Variants in CHODL observed in about 807,000 individuals in gnomAD.
CHODL encodes the protein transmembrane protein MT75.
CHODL carries 29 observed loss-of-function variants against 34.5 expected under a neutral mutation model. That is an observed-to-expected ratio of 0.84 (90% CI 0.63 to 1.15). The LOEUF (loss-of-function observed/expected upper bound fraction) is 1.15. Among genes scored for constraint, CHODL ranks in the 50% most tolerant of loss-of-function variants. The probability of loss-of-function intolerance (pLI) is 0.00; values close to 1 mark genes in which losing one functional copy is unlikely to be tolerated. For missense variants in CHODL, 332 were observed against 332.5 expected, an observed-to-expected ratio of 1.00 and a Z score of 0.01; for synonymous variants, 125 against 116.1, an observed-to-expected ratio of 1.08 and a Z score of -0.49.
rs185236455 is a variant in CHODL, at chr21:18,245,397, G to T, written c.79+95G>T. 7.0e-5 allele frequency: 74 copies of T among 1,056,538 alleles called. 1 individual carries two copies. Among genetic ancestry groups the T allele is most frequent in the Non-Finnish European group, 3.7e-5 (28 of 758,434 alleles). 65.4% of individuals were successfully genotyped at this position (1,056,538 alleles called of 1,614,324 possible). On this transcript the variant is annotated intron_variant, in intron 1 of 5. Transcript: ENST00000299295. ...TTCTCGGGCGGAGGCTCTCCGGGGC[G>T]TTGGAAACCTGCATGGTGTAAGGAC... is the stretch of plus-strand genomic sequence containing the variant.
intron 2 of CHODL, among the ~76,000 whole-genome samples, chr21:18,228,374 A>T (rs2146750787): frequency 6.6e-6 from 1 of 152,226 alleles, no homozygotes; most frequent in Middle Eastern, 3.4e-3. Flanking sequence ...CTTAATGTAC[A>T]TCTATAAGTG....
chr21:18,040,860 T>A (rs1248414809), intron 2 of CHODL, among the ~76,000 whole-genome samples: 1 of 151,872 alleles, frequency 6.6e-6, no homozygotes. Context: ...ATGACTGATT[T>A]CTCTTTATTT....
chr21:18,015,935 A>G (rs896806455), intron 1 of CHODL, among the ~76,000 whole-genome samples: 5 of 152,218 alleles, frequency 3.3e-5, no homozygotes, highest in South Asian at 2.1e-4. Flanking sequence ...GCTCGTTTGC[A>G]TAAACAAAGG....
intron 2 of CHODL, among the ~76,000 whole-genome samples, chr21:18,229,250 G>C (rs1240320620): frequency 6.6e-6 from 1 of 152,156 alleles, no homozygotes; most frequent in Non-Finnish European, 1.5e-5. Flanking sequence ...TCATGAACTT[G>C]TGTATTCGTA....
At chr21:18,054,975 C>A (rs897811469) in intron 2 of CHODL, among the ~76,000 whole-genome samples, 5 of 152,032 alleles carry the variant, frequency 3.3e-5, no homozygotes, top group African/African-American at 1.2e-4. Flanking sequence ...GTAGGTGAGA[C>A]TGGTCGTCCA....
intron 2 of CHODL, among the ~76,000 whole-genome samples, chr21:18,047,959 T>C (rs1325814710): frequency 1.3e-5 from 2 of 151,914 alleles, no homozygotes; most frequent in Non-Finnish European, 2.9e-5. Flanking sequence ...CCACCAACTT[T>C]TTCTTTGTAT....
rs149359046 is a variant in CHODL, at chr21:18,104,995, A to G, written c.-45+77024A>G. Among the ~76,000 whole-genome samples the G allele has an allele frequency of 2.0e-3, 311 of 152,270 alleles. 1 individual carries two copies. Among genetic ancestry groups the G allele is most frequent in the African/African-American group, 7.0e-3 (290 of 41,566 alleles). On this transcript the variant is annotated intron_variant, in intron 2 of 6. Transcript: ENST00000400127. ...TCATTGTTTGGCTGCCCAGCAGCTG[A>G]CCTCTTGTTTTATGTTTGTGGAATT...
At chr21:17,920,708 T>A (rs2063176873) in intron 1 of CHODL, among the ~76,000 whole-genome samples, 1 of 152,170 alleles carries the variant, frequency 6.6e-6, no homozygotes, top group African/African-American at 2.4e-5. Flanking sequence ...ATTATTAACA[T>A]TGTATGAGGA....
chr21:17,933,139 A>G lies in CHODL; in HGVS notation c.-145+15739A>G, dbSNP rs576074683. Among the ~76,000 whole-genome samples the G allele has an allele frequency of 3.9e-5, 6 of 152,324 alleles. No individual in the cohort carries two copies. In the East Asian group the frequency reaches 9.6e-4, roughly 24 times the overall value. Reference sequence around the variant, plus strand: ...TTTCCCCTATCTCAGTAGATGGAACATACAATCGGGTTTTACACTGAGACA... The same window carrying G: ...TTTCCCCTATCTCAGTAGATGGAACGTACAATCGGGTTTTACACTGAGACA... On this transcript the variant is annotated intron_variant, in intron 1 of 6. Transcript: ENST00000400127.
intron 2 of CHODL, among the ~76,000 whole-genome samples, chr21:18,157,884 G>A (rs1030523179): frequency 6.6e-6 from 1 of 151,506 alleles, no homozygotes; most frequent in African/African-American, 2.4e-5. Context: ...AACTTTCTGG[G>A]TTTACCATTT....
chr21:18,183,745 T>C (rs1383893647), intron 2 of CHODL, among the ~76,000 whole-genome samples: 3 of 152,174 alleles, frequency 2.0e-5, no homozygotes, highest in African/African-American at 7.2e-5. Flanking sequence ...CGAGTGTTTT[T>C]CATGGTTCAC....
At position 18,029,113 on chromosome 21, in the gene CHODL, G is replaced by A. The variant is rs370297483; in HGVS notation, c.-45+1142G>A. Among the ~76,000 whole-genome samples, 44 of 152,134 alleles carry A rather than the reference G, an allele frequency of 2.9e-4. No homozygotes were observed. The South Asian group carries it at 8.9e-3, about 31-fold the overall frequency. On this transcript the variant is annotated intron_variant, in intron 2 of 6. Coordinates refer to the CHODL transcript ENST00000400127. ...ATTTTTTTCTAATCAAAGAAAATGA[G>A]GTGAGAAGTCACTTTCACTTGGGTG...
intron 2 of CHODL, among the ~76,000 whole-genome samples, chr21:18,135,453 C>T (rs779222675): frequency 3.9e-5 from 6 of 152,044 alleles, no homozygotes; most frequent in Non-Finnish European, 7.4e-5. Flanking sequence ...ATTGAGTAGC[C>T]TCAGCGTTCC....
chr21:18,087,283 T>C (rs1258081527), intron 2 of CHODL, among the ~76,000 whole-genome samples: 1 of 152,002 alleles, frequency 6.6e-6, no homozygotes, highest in Non-Finnish European at 1.5e-5. Flanking sequence ...GGGAAATGGA[T>C]ATTGTCTGAG....
chr21:18,028,277 C>CTTTTCCTTTTCCTTTT (rs377144650), intron 2 of CHODL, among the ~76,000 whole-genome samples: 2 of 98,934 alleles, frequency 2.0e-5, no homozygotes, highest in African/African-American at 8.1e-5. Context: ...TTTCCTTTTC[C>CTTTTCCTTTTCCTTTT]CCTTCCTTCC....
At chr21:18,225,636 T>A (rs1287408367) in intron 2 of CHODL, among the ~76,000 whole-genome samples, 1 of 152,126 alleles carries the variant, frequency 6.6e-6, no homozygotes, top group Admixed American at 6.6e-5. Context: ...TATATGGTAC[T>A]CTATTATTTT....
rs2074459423 is a variant in CHODL, at chr21:18,266,159, C to G, written c.*121C>G. 1 of 1,580,500 alleles carries G rather than the reference C, an allele frequency of 6.3e-7. No individual in the cohort carries two copies. Among genetic ancestry groups the G allele is most frequent in the Non-Finnish European group, 8.6e-7 (1 of 1,161,212 alleles). ...ATCTGCAAGATGAACTGTAAGCTCCCCCTTGAGGCAAATATTAAAGTAATT... is the reference window on the plus strand; with the variant it reads ...ATCTGCAAGATGAACTGTAAGCTCCGCCTTGAGGCAAATATTAAAGTAATT... On this transcript the variant is annotated 3_prime_UTR_variant, in exon 6 of 6. Coordinates refer to ENST00000299295, the MANE Select transcript of CHODL (RefSeq NM_024944.3).
At chr21:18,186,852 C>G (rs1472420188) in intron 2 of CHODL, among the ~76,000 whole-genome samples, 1 of 152,066 alleles carries the variant, frequency 6.6e-6, no homozygotes, top group Admixed American at 6.6e-5. Flanking sequence ...TGAATGGTTG[C>G]TGCTATTTTA....
intron 1 of CHODL, among the ~76,000 whole-genome samples, chr21:17,964,542 G>C (rs2063556929): frequency 6.6e-6 from 1 of 152,202 alleles, no homozygotes; most frequent in Non-Finnish European, 1.5e-5. Flanking sequence ...TTTGTGGGTA[G>C]TGTTGCCTTT....
Sources: gnomAD v4.1 joint callset for allele counts (sites outside exome capture counted in the v4.1 genomes callset) on GRCh38, gnomAD v4.1.1 for gene constraint, MANE v1.5 for transcripts, NCBI Gene and HGNC (gene_info 2026-07-23, HGNC 2026-07-21) for gene names.